The following GALNT6 variants were observed in gnomAD, a reference collection of about 807,000 sequenced individuals.
GALNT6 encodes GalNAc transferase 6.
A neutral mutation model predicts 65.9 loss-of-function variants in GALNT6; 51 were observed. That is an observed-to-expected ratio of 0.77 (90% CI 0.62 to 0.98). The LOEUF (loss-of-function observed/expected upper bound fraction) is 0.98, where lower values mean the gene tolerates loss of function less well. Among genes scored for constraint, GALNT6 ranks in the 50% least tolerant of loss-of-function variants. The pLI, the probability that GALNT6 is intolerant of heterozygous loss-of-function variation, is 0.00. For synonymous variants in GALNT6, 323 were observed against 315.1 expected, an observed-to-expected ratio of 1.02 and a Z score of -0.26; for missense variants, 708 against 803.3, an observed-to-expected ratio of 0.88 and a Z score of 1.43.
At chr12:51,379,012 A>G (rs1476030592) in intron 3 of GALNT6, among the ~76,000 whole-genome samples, 1 of 152,176 alleles carries the variant, frequency 6.6e-6, no homozygotes, top group Non-Finnish European at 1.5e-5. Context: ...TCCTGGTGCC[A>G]GGCTGAGTTC....
rs34438835 is a variant in GALNT6 at position 51,390,136 on chromosome 12, A to ATTTCTTTCTTTC, written c.-104+702_-104+713dup. Among the ~76,000 whole-genome samples the ATTTCTTTCTTTC allele has an allele frequency of 7.8e-4, 58 of 74,406 alleles. 1 individual carries two copies. The highest frequency in any genetic ancestry group is 1.7e-3 in the African/African-American group (30 of 18,084). The allele number at this position is 74,406 out of a possible 152,430, so 48.8% of individuals were successfully genotyped here. A position where few individuals can be genotyped will look rare whatever the true frequency, so the allele number is the denominator to read the frequency against. On this transcript the variant is annotated intron_variant, in intron 2 of 11. Coordinates refer to ENST00000356317, the MANE Select transcript of GALNT6 (RefSeq NM_007210.4). ...TGCTAGGCAATTGGAATCAAAGCAT[A>ATTTCTTTCTTTC]TTTCTTTCTTTCTTTCTTTCTTTTT...
chr12:51,354,594 C>A lies in GALNT6; in HGVS notation c.1756-102G>T, dbSNP rs1016944048. ...TGCAATTGACAAAAGCCAAGGGAACCCCACAAGGCACAAAGAGGACACTTC... is the reference window on the plus strand; with the variant it reads ...TGCAATTGACAAAAGCCAAGGGAACACCACAAGGCACAAAGAGGACACTTC... On this transcript the variant is annotated intron_variant, in intron 11 of 11. Coordinates refer to ENST00000356317, the MANE Select transcript of GALNT6 (RefSeq NM_007210.4). 1.6e-5 allele frequency: 11 copies of A among 682,890 alleles called. No individual in the cohort carries two copies. The African/African-American group carries it at 2.1e-4, about 13-fold the overall frequency. 42.3% of individuals were successfully genotyped at this position (682,890 alleles called of 1,614,324 possible).
intron 6 of GALNT6, among the ~76,000 whole-genome samples, chr12:51,362,285 T>C (rs1473597259): frequency 6.6e-6 from 1 of 152,134 alleles, no homozygotes; most frequent in Non-Finnish European, 1.5e-5. Flanking sequence ...GAAGCTTCAC[T>C]GTAAATTCAC....
chr12:51,367,048 G>A (rs976449492), intron 4 of GALNT6, among the ~76,000 whole-genome samples: 5 of 152,188 alleles, frequency 3.3e-5, no homozygotes, highest in African/African-American at 1.2e-4. Context: ...TGGATCACCT[G>A]AGGTTGGGAG....
At chr12:51,369,357 T>C (rs1263055193) in intron 4 of GALNT6, among the ~76,000 whole-genome samples, 1 of 152,008 alleles carries the variant, frequency 6.6e-6, no homozygotes, top group Non-Finnish European at 1.5e-5. Flanking sequence ...CTCGTGATAC[T>C]CCACCTGTTC....
chr12:51,368,702 C>A (rs553745372), intron 4 of GALNT6, among the ~76,000 whole-genome samples: 1 of 151,380 alleles, frequency 6.6e-6, no homozygotes, highest in East Asian at 1.9e-4. Context: ...CACTACGCCC[C>A]GCCCACTTTT....
upstream of GALNT6, chr12:51,391,452 G>A (rs1948100922): frequency 6.4e-6 from 1 of 156,048 alleles, no homozygotes; most frequent in Non-Finnish European, 1.4e-5. Context: ...GGGTAGTGAG[G>A]AGGAAGAGGA....
At chr12:51,365,138 C>G (rs555814185) in intron 5 of GALNT6, among the ~76,000 whole-genome samples, 17 of 152,278 alleles carry the variant, frequency 1.1e-4, no homozygotes, top group Middle Eastern at 3.4e-3. Context: ...AAGCTCAGAG[C>G]AAGGTGCAGA....
chr12:51,366,284 T>A (rs1425446503), intron 4 of GALNT6, among the ~76,000 whole-genome samples: 2 of 152,194 alleles, frequency 1.3e-5, no homozygotes, highest in Admixed American at 1.3e-4. Flanking sequence ...TCAGCCACCA[T>A]CTTCCAGAGC....
rs2066940118 is a variant in GALNT6 at position 51,387,924 on chromosome 12, A to T, written c.-104+2926T>A. Among the ~76,000 whole-genome samples the T allele has an allele frequency of 6.6e-6, 1 of 152,168 alleles. No individual in the cohort carries two copies. Among genetic ancestry groups the T allele is most frequent in the South Asian group, 2.1e-4 (1 of 4,832 alleles). On this transcript the variant is annotated intron_variant, in intron 2 of 11. Coordinates refer to ENST00000356317, the MANE Select transcript of GALNT6 (RefSeq NM_007210.4). The surrounding 1 kb of genome is among the most constrained non-coding windows in gnomAD (Gnocchi z 4.2). ...ATTTTTCCTTTTCTCCTCATCCCCC[A>T]GTCTGCTCTTGGCTGCAGAACTTTC...
chr12:51,366,855 C>T (rs1006837841), intron 4 of GALNT6, among the ~76,000 whole-genome samples: 23 of 152,156 alleles, frequency 1.5e-4, no homozygotes, highest in African/African-American at 5.1e-4. Flanking sequence ...TGGCTGGGCA[C>T]GGTGGCTCAC....
Position 51,364,132 on chromosome 12 carries a change from G to A in GALNT6, c.1038C>T (p.Thr346=), listed in dbSNP as rs375165419. ...GCTGCGGTCCTTACTTGATGGGGTA[G>A]GTTTCATCCTTGCGCCTCTGCTTCT... The part of the protein sequence containing the change: ...PHEKQRRKDE[T]YPIKSPTFAG... The change falls in exon 6 of 12, where the codon ACC becomes ACT. Residue 346 remains threonine, a synonymous_variant. Coordinates refer to ENST00000356317, the MANE Select transcript of GALNT6 (RefSeq NM_007210.4). 2.5e-6 allele frequency: 4 copies of A among 1,612,970 alleles called. No homozygotes were observed. Among genetic ancestry groups the A allele is most frequent in the Non-Finnish European group, 3.4e-6 (4 of 1,179,020 alleles).
At chr12:51,366,510 T>C (rs529549547) in intron 4 of GALNT6, among the ~76,000 whole-genome samples, 1 of 152,330 alleles carries the variant, frequency 6.6e-6, no homozygotes, top group Admixed American at 6.5e-5. Flanking sequence ...TTTTTAATTA[T>C]ATTAAGAAAA....
Position 51,353,633 on chromosome 12 carries a change from G to C in GALNT6, c.*746C>G, listed in dbSNP as rs1946667975. On this transcript the variant is annotated 3_prime_UTR_variant, in exon 12 of 12. Transcript: ENST00000356317. Reference sequence around the variant, plus strand: ...GATCCACCTGCCTTGGCCTCCCAAAGTGCTAGGATTACAGGTGTGAGCCAC... The same window carrying C: ...GATCCACCTGCCTTGGCCTCCCAAACTGCTAGGATTACAGGTGTGAGCCAC... 1 of 152,486 alleles carries C rather than the reference G, an allele frequency of 6.6e-6. No homozygotes were observed. Among genetic ancestry groups the C allele is most frequent in the African/African-American group, 2.4e-5 (1 of 41,450 alleles). 9.4% of individuals were successfully genotyped at this position (152,486 alleles called of 1,614,324 possible).
rs1350302202 is a variant in GALNT6 at position 51,352,506 on chromosome 12, T to C, written c.*1873A>G. The C allele has an allele frequency of 6.6e-6, 1 of 152,208 alleles. No homozygotes were observed. The highest frequency in any genetic ancestry group is 1.5e-5 in the Non-Finnish European group (1 of 68,032). 9.4% of individuals were successfully genotyped at this position (152,208 alleles called of 1,614,324 possible). A position where few individuals can be genotyped will look rare whatever the true frequency, so the allele number is the denominator to read the frequency against. ...AAGGCATTACCTGTCCCTCTCTCAA[T>C]TTCACTCATGCTACTTTGTTTTTTT... is the stretch of plus-strand genomic sequence containing the variant. On this transcript the variant is annotated 3_prime_UTR_variant, in exon 12 of 12. Transcript: ENST00000356317.
At chr12:51,382,756 G>C (rs1475444485) in intron 2 of GALNT6, among the ~76,000 whole-genome samples, 1 of 152,202 alleles carries the variant, frequency 6.6e-6, no homozygotes, top group Non-Finnish European at 1.5e-5. Context: ...CTGCTTGGCA[G>C]CTGGATGACC....
rs1344312638 is a variant in GALNT6 at position 51,379,762 on chromosome 12, C to G, written c.20G>C (p.Arg7Pro). MRLLRR[R>P]HMPLRLAMVG... The stretch of plus-strand genomic sequence containing the variant: ...CATGGCCAGGCGCAGGGGCATGTGG[C>G]GTCTGCGGAGGAGCCTCATCCTCCA... Residue 7 changes from arginine (R) to proline (P), a missense_variant, in exon 3 of 12, where the codon CGC (arginine) becomes CCC (proline). Physicochemically the swap from Arg to Pro is moderately radical, Grantham distance 103. Transcript: ENST00000356317. 1 of 1,608,260 alleles carries G rather than the reference C, an allele frequency of 6.2e-7. No homozygotes were observed.
chr12:51,360,898 G>A (rs1049478614), intron 6 of GALNT6, 60 bp from the exon 7 acceptor site: 26 of 1,176,254 alleles, frequency 2.2e-5, no homozygotes, highest in Non-Finnish European at 2.8e-5. Context: ...GGAGCCTGGC[G>A]GGGAAAGCTG....
chr12:51,365,672 C>G, intron 4 of GALNT6, 93 bp from the exon 5 acceptor site: 1 of 1,316,850 alleles, frequency 7.6e-7, no homozygotes, highest in Non-Finnish European at 1.0e-6. Context: ...AGGCCTCTAG[C>G]AGGCCTGAAT....
Sources: allele counts gnomAD v4.1 joint callset (sites outside exome capture counted in the v4.1 genomes callset), GRCh38; gene constraint gnomAD v4.1.1; non-coding constraint Gnocchi (gnomAD v3.1); transcripts MANE v1.5; gene names NCBI Gene and HGNC (gene_info 2026-07-23, HGNC 2026-07-21).